The following PLXNA4 variants were observed in gnomAD, a reference collection of about 807,000 sequenced individuals.
The protein encoded by PLXNA4 is plexin A4.
Under a neutral mutation model 191.8 loss-of-function variants are expected in PLXNA4, and 44 were observed. That is an observed-to-expected ratio of 0.23 (90% CI 0.18 to 0.29). PLXNA4 has a LOEUF of 0.29. PLXNA4 is among the 10% of genes least tolerant of loss of function. The pLI, the probability that PLXNA4 is intolerant of heterozygous loss-of-function variation, is 1.00. For missense variants in PLXNA4, 1,800 were observed against 2,488.8 expected, an observed-to-expected ratio of 0.72 and a Z score of 5.89; for synonymous variants, 1,082 against 1,009.5, an observed-to-expected ratio of 1.07 and a Z score of -1.36.
At chr7:132,160,903 G>A (rs1010571825) in intron 24 of PLXNA4, among the ~76,000 whole-genome samples, 2 of 149,396 alleles carry the variant, frequency 1.3e-5, no homozygotes, top group African/African-American at 4.8e-5. Context: ...ATGCGAACAT[G>A]CTTATTCCAT....
At chr7:132,552,319 T>C (rs534229053) in intron 1 of PLXNA4, among the ~76,000 whole-genome samples, 22 of 152,312 alleles carry the variant, frequency 1.4e-4, no homozygotes, top group African/African-American at 4.3e-4. Flanking sequence ...TTACGAGAGT[T>C]GATTTAGTTC....
chr7:132,154,407 C>T (rs776696875), intron 25 of PLXNA4, among the ~76,000 whole-genome samples: 1 of 82,448 alleles, frequency 1.2e-5, no homozygotes, highest in East Asian at 4.4e-4. Context: ...CATCTAAAAA[C>T]GTTCTGTTTT....
At chr7:132,514,252 C>T (rs931748453) in intron 1 of PLXNA4, among the ~76,000 whole-genome samples, 5 of 151,192 alleles carry the variant, frequency 3.3e-5, no homozygotes, top group African/African-American at 1.2e-4. Context: ...GGGGTTTCAC[C>T]ATGTTAGCCA....
intron 3 of PLXNA4, among the ~76,000 whole-genome samples, chr7:132,481,037 G>C (rs1797314813): frequency 4.6e-5 from 7 of 152,150 alleles, no homozygotes; most frequent in Admixed American, 4.6e-4. Flanking sequence ...AGGGGCTGCA[G>C]AAGGGTGGAT....
chr7:132,598,336 C>G (rs1346242542), intron 2 of PLXNA4, among the ~76,000 whole-genome samples: 1 of 152,112 alleles, frequency 6.6e-6, no homozygotes, highest in East Asian at 1.9e-4. Context: ...GTCTCAAACT[C>G]CTGAACTCAT....
At chr7:132,376,999 C>T (rs964485773) in intron 3 of PLXNA4, among the ~76,000 whole-genome samples, 11 of 152,172 alleles carry the variant, frequency 7.2e-5, no homozygotes, top group Non-Finnish European at 1.0e-4. Flanking sequence ...AACATGAATG[C>T]CAGCAAAAAC....
intron 3 of PLXNA4, among the ~76,000 whole-genome samples, chr7:132,321,353 G>C (rs1194568367): frequency 6.6e-6 from 1 of 150,524 alleles, no homozygotes; most frequent in South Asian, 2.1e-4. Flanking sequence ...GCGTGTCTGT[G>C]TTCTAGGCAA....
chr7:132,612,025 A>C (rs985955438), intron 2 of PLXNA4, among the ~76,000 whole-genome samples: 3 of 152,134 alleles, frequency 2.0e-5, no homozygotes, highest in African/African-American at 7.2e-5. Context: ...GTAGGTCAAG[A>C]TTGCTGTTTT....
At chr7:132,178,748 TACACACACACACAC>T (rs55690930) in intron 20 of PLXNA4, among the ~76,000 whole-genome samples, 3 of 103,234 alleles carry the variant, frequency 2.9e-5, no homozygotes, top group Admixed American at 8.8e-5. Flanking sequence ...ATGAAACACA[TACACACACACACAC>T]ACACACACAC....
intron 3 of PLXNA4, among the ~76,000 whole-genome samples, chr7:132,477,696 TG>T (rs1231921578): frequency 1.3e-5 from 2 of 152,158 alleles, no homozygotes; most frequent in East Asian, 3.9e-4. Flanking sequence ...GGCAGTACTG[TG>T]GGGGCACCTT....
At chr7:132,519,703 T>C (rs554578838) in intron 1 of PLXNA4, among the ~76,000 whole-genome samples, 6 of 152,160 alleles carry the variant, frequency 3.9e-5, no homozygotes, top group Non-Finnish European at 8.8e-5. Flanking sequence ...TCTCCTTTCA[T>C]GGTAAAGGGA....
chr7:132,223,213 T>G (rs1798202920), intron 9 of PLXNA4, among the ~76,000 whole-genome samples: 1 of 152,184 alleles, frequency 6.6e-6, no homozygotes, highest in African/African-American at 2.4e-5. Context: ...CAATTATTTC[T>G]AGGACACACC....
chr7:132,185,687 T>G (rs73499368), intron 15 of PLXNA4, among the ~76,000 whole-genome samples: 1,548 of 152,350 alleles, frequency 0.01, 21 homozygotes, highest in African/African-American at 0.035. Context: ...TCCCTGGGTC[T>G]GTCTTTGGCC....
At chr7:132,297,981 C>A in intron 4 of PLXNA4, 110 bp downstream of exon 4, 1 of 1,413,984 alleles carries the variant, frequency 7.1e-7, no homozygotes, top group Non-Finnish European at 9.9e-7. Flanking sequence ...ACATACTACG[C>A]CAAATAAATC....
At chr7:132,488,290 G>C (rs10081378) in intron 3 of PLXNA4, among the ~76,000 whole-genome samples, 1 of 152,110 alleles carries the variant, frequency 6.6e-6, no homozygotes, top group Non-Finnish European at 1.5e-5. Flanking sequence ...GGTAAAATAG[G>C]CATAGTCCTC....
chr7:132,428,964 G>A (rs115506072), intron 3 of PLXNA4, among the ~76,000 whole-genome samples: 1,570 of 152,272 alleles, frequency 0.01, 26 homozygotes, highest in African/African-American at 0.036. Context: ...CTTAGACCCT[G>A]AAGGAGAGTG....
chr7:132,184,547 G>A (rs991864088), intron 16 of PLXNA4, among the ~76,000 whole-genome samples: 1 of 152,184 alleles, frequency 6.6e-6, no homozygotes, highest in Non-Finnish European at 1.5e-5. Flanking sequence ...ACCACTCCAG[G>A]GACCCTAGAG....
intron 3 of PLXNA4, among the ~76,000 whole-genome samples, chr7:132,473,665 G>T (rs533200275): frequency 7.4e-4 from 112 of 152,166 alleles, no homozygotes; most frequent in Middle Eastern, 3.4e-3. Context: ...ATATTGTCAC[G>T]TTAAAAAGGC....
chr7:132,292,033 G>A (rs1410605625), intron 4 of PLXNA4, among the ~76,000 whole-genome samples: 2 of 152,144 alleles, frequency 1.3e-5, no homozygotes, highest in Non-Finnish European at 2.9e-5. Flanking sequence ...GACCTCAGGT[G>A]ACCTGCCCTC....
Sources: allele counts gnomAD v4.1 joint callset (sites outside exome capture counted in the v4.1 genomes callset), GRCh38; gene constraint gnomAD v4.1.1; transcripts MANE v1.5; gene names NCBI Gene and HGNC (gene_info 2026-07-23, HGNC 2026-07-21).